LDB2: variants seen among roughly 807,000 people sequenced by gnomAD.
The protein encoded by LDB2 is LIM domain-binding protein 2.
LDB2 carries 12 observed loss-of-function variants against 44.3 expected under a neutral mutation model. That is an observed-to-expected ratio of 0.27 (90% confidence interval 0.17 to 0.44). The LOEUF (loss-of-function observed/expected upper bound fraction) is 0.44, where lower values mean the gene tolerates loss of function less well. Ranked by LOEUF, LDB2 falls within the 20% of genes least tolerant of loss-of-function variation. LDB2 has a pLI of 1.00. For missense variants in LDB2, 344 were observed against 473.5 expected, an observed-to-expected ratio of 0.73 and a Z score of 2.54; for synonymous variants, 164 against 174.8, an observed-to-expected ratio of 0.94 and a Z score of 0.49.
chr4:16,647,546 C>T (rs1478457078), intron 2 of LDB2, among the ~76,000 whole-genome samples: 2 of 152,104 alleles, frequency 1.3e-5, no homozygotes, highest in African/African-American at 4.8e-5. Flanking sequence ...ATCACTTTTG[C>T]AAGGCAGTGG....
At chr4:16,898,173 A>G (rs1010926683) in intron 1 of LDB2, among the ~76,000 whole-genome samples, 181 bp downstream of exon 1, 2 of 151,804 alleles carry the variant, frequency 1.3e-5, no homozygotes, top group Non-Finnish European at 2.9e-5. Context: ...CTCTGCTACA[A>G]GAGTTGCTGT....
chr4:16,583,321 A>G (rs1385215495), intron 5 of LDB2, among the ~76,000 whole-genome samples: 1 of 152,214 alleles, frequency 6.6e-6, no homozygotes, highest in East Asian at 1.9e-4. Context: ...AGGACGCATC[A>G]GTTTTTAAAG....
At chr4:16,510,174 A>T (rs1721172530) in intron 6 of LDB2, among the ~76,000 whole-genome samples, 1 of 152,208 alleles carries the variant, frequency 6.6e-6, no homozygotes, top group African/African-American at 2.4e-5. Context: ...CTTCTGGTGG[A>T]CAATGGGAAG....
At chr4:16,782,342 A>G (rs536997901) in intron 1 of LDB2, among the ~76,000 whole-genome samples, 33 of 152,138 alleles carry the variant, frequency 2.2e-4, no homozygotes, top group African/African-American at 7.2e-4. Context: ...AGGAATGAAT[A>G]AAATAAATAC....
At chr4:16,715,880 G>A (rs764969738) in intron 2 of LDB2, among the ~76,000 whole-genome samples, 2 of 152,016 alleles carry the variant, frequency 1.3e-5, no homozygotes, top group South Asian at 4.2e-4. Context: ...TAATCTCTTC[G>A]AGGCAGACTG....
chr4:16,673,404 C>G (rs1179128268), intron 2 of LDB2, among the ~76,000 whole-genome samples: 1 of 152,176 alleles, frequency 6.6e-6, no homozygotes, highest in Non-Finnish European at 1.5e-5. Context: ...GTTACTCCTG[C>G]TGCTTCCGTG....
chr4:16,646,538 A>G (rs1736840281), intron 2 of LDB2, among the ~76,000 whole-genome samples: 1 of 152,200 alleles, frequency 6.6e-6, no homozygotes, highest in Non-Finnish European at 1.5e-5. Context: ...CCTCTTGCAC[A>G]TCTGCCATAA....
intron 1 of LDB2, among the ~76,000 whole-genome samples, chr4:16,891,833 A>G (rs1305263594): frequency 6.6e-6 from 1 of 152,188 alleles, no homozygotes; most frequent in African/African-American, 2.4e-5. Context: ...ATATATTCAC[A>G]TTAAAAATTT....
intron 2 of LDB2, among the ~76,000 whole-genome samples, chr4:16,614,597 A>C (rs530336424): frequency 0.024 from 3,697 of 151,366 alleles, 49 homozygotes; most frequent in East Asian, 0.059. Context: ...AAAAAAAAAA[A>C]AAAACAAGCA....
intron 7 of LDB2, among the ~76,000 whole-genome samples, chr4:16,503,480 GTAAT>G: frequency 6.6e-6 from 1 of 152,080 alleles, no homozygotes; most frequent in Non-Finnish European, 1.5e-5. Context: ...CTTAATTATG[GTAAT>G]TAATTTAGGT....
intron 1 of LDB2, among the ~76,000 whole-genome samples, chr4:16,773,691 G>T (rs563015344): frequency 6.6e-6 from 1 of 152,022 alleles, no homozygotes; most frequent in Non-Finnish European, 1.5e-5. Context: ...TTAGGAACCC[G>T]TACTCCCCTC....
At chr4:16,851,355 G>A (rs950850258) in intron 1 of LDB2, among the ~76,000 whole-genome samples, 1 of 152,016 alleles carries the variant, frequency 6.6e-6, no homozygotes, top group Non-Finnish European at 1.5e-5. Context: ...AGGAACCAAG[G>A]ACAATAGTGT....
At chr4:16,830,286 G>A (rs1783829643) in intron 1 of LDB2, among the ~76,000 whole-genome samples, 1 of 152,146 alleles carries the variant, frequency 6.6e-6, no homozygotes, top group Non-Finnish European at 1.5e-5. Flanking sequence ...TCTCATGACA[G>A]TGAGTGAGTT....
chr4:16,528,375 A>G (rs902860266), intron 5 of LDB2, among the ~76,000 whole-genome samples: 6 of 152,266 alleles, frequency 3.9e-5, no homozygotes, highest in Non-Finnish European at 7.3e-5. Context: ...AATATTTTAA[A>G]TAAGGTAATT....
rs1447843867 is a variant in LDB2, at chr4:16,582,150, G to A, written c.615+3772C>T. On this transcript the variant is annotated intron_variant, in intron 5 of 7. Coordinates refer to ENST00000304523, the MANE Select transcript of LDB2 (RefSeq NM_001290.5). The surrounding 1 kb of genome is among the most constrained non-coding windows in gnomAD (Gnocchi z 4.8). ...AGTGCTATGTTTCTCACTGCACCTG[G>A]GAGCAATTTCTCTCCAAGAGTGTAT... is the stretch of plus-strand genomic sequence containing the variant. Among the ~76,000 whole-genome samples, 1 of 152,162 alleles carries A rather than the reference G, an allele frequency of 6.6e-6. No homozygotes were observed. The highest frequency in any genetic ancestry group is 1.5e-5 in the Non-Finnish European group (1 of 68,028).
intron 3 of LDB2, among the ~76,000 whole-genome samples, chr4:16,591,873 CTT>C (rs34124156): frequency 1.4e-4 from 20 of 147,578 alleles, no homozygotes; most frequent in South Asian, 1.1e-3. Context: ...TGAAGTCGGC[CTT>C]TTTTTTTTTT....
chr4:16,510,483 TCTTTGA>T (rs1721312127), intron 6 of LDB2, among the ~76,000 whole-genome samples: 1 of 152,208 alleles, frequency 6.6e-6, no homozygotes, highest in African/African-American at 2.4e-5. Context: ...GTATCTTCTT[TCTTTGA>T]CCTTAAGAGT....
chr4:16,718,019 C>T (rs980893070), intron 2 of LDB2, among the ~76,000 whole-genome samples: 1 of 152,002 alleles, frequency 6.6e-6, no homozygotes, highest in Non-Finnish European at 1.5e-5. Context: ...GTATGATAGA[C>T]AAAAATCTTT....
intron 2 of LDB2, among the ~76,000 whole-genome samples, chr4:16,747,311 A>G (rs1166411180): frequency 6.6e-6 from 1 of 152,230 alleles, no homozygotes; most frequent in Non-Finnish European, 1.5e-5. Flanking sequence ...TCCAAGTACT[A>G]AAGCATTTTA....
Sources: gnomAD v4.1 joint callset for allele counts (sites outside exome capture counted in the v4.1 genomes callset) on GRCh38, gnomAD v4.1.1 for gene constraint, Gnocchi (gnomAD v3.1) non-coding constraint, MANE v1.5 for transcripts, NCBI Gene and HGNC (gene_info 2026-07-23, HGNC 2026-07-21) for gene names.